EPB41L4A: variants seen among roughly 807,000 people sequenced by gnomAD.
EPB41L4A encodes the protein band 4.1-like protein 4A.
Under a neutral mutation model 108.6 loss-of-function variants are expected in EPB41L4A, and 100 were observed. The ratio of observed to expected loss-of-function variants is 0.92; its 90% CI spans 0.78 to 1.09. EPB41L4A has a LOEUF of 1.09. EPB41L4A is among the 50% of genes least tolerant of loss of function. The pLI is 0.00. For synonymous variants in EPB41L4A, 319 were observed against 289.0 expected, an observed-to-expected ratio of 1.10 and a Z score of -1.05; for missense variants, 1,030 against 842.7, an observed-to-expected ratio of 1.22 and a Z score of -2.75.
chr5:112,277,199 G>A (rs964730381), intron 3 of EPB41L4A, among the ~76,000 whole-genome samples: 7 of 152,102 alleles, frequency 4.6e-5, no homozygotes, highest in African/African-American at 1.4e-4. Flanking sequence ...CCTAGGGGGC[G>A]GGGAGGAGCA....
At chr5:112,306,555 A>C (rs974250971) in intron 2 of EPB41L4A, among the ~76,000 whole-genome samples, 5 of 152,150 alleles carry the variant, frequency 3.3e-5, no homozygotes, top group Non-Finnish European at 5.9e-5. Context: ...TGGGAGAACA[A>C]ATGAAGGAAG....
chr5:112,288,831 C>CTT (rs543886138), intron 2 of EPB41L4A, among the ~76,000 whole-genome samples: 4 of 143,456 alleles, frequency 2.8e-5, no homozygotes, highest in Admixed American at 7.0e-5. Flanking sequence ...GATGATATAT[C>CTT]TTTTTTTTTT....
At chr5:112,403,169 CTT>C (rs1322341231) in intron 1 of EPB41L4A, among the ~76,000 whole-genome samples, 1 of 152,076 alleles carries the variant, frequency 6.6e-6, no homozygotes, top group African/African-American at 2.4e-5. Flanking sequence ...GGCTGGTTTC[CTT>C]TATAGCTGTT....
At chr5:112,279,247 T>A (rs1242517340) in intron 3 of EPB41L4A, among the ~76,000 whole-genome samples, 3 of 152,096 alleles carry the variant, frequency 2.0e-5, no homozygotes, top group Non-Finnish European at 4.4e-5. Flanking sequence ...GACTTTCGGA[T>A]GGCTTTGCAG....
At chr5:112,357,288 G>T (rs78641586) in intron 1 of EPB41L4A, among the ~76,000 whole-genome samples, 7,205 of 152,270 alleles carry the variant, frequency 0.047, 509 homozygotes, top group African/African-American at 0.16. Context: ...ATGAACATGC[G>T]ACCTGAGCTG....
intron 1 of EPB41L4A, among the ~76,000 whole-genome samples, chr5:112,352,526 G>A (rs766925821): frequency 1.2e-4 from 18 of 152,276 alleles, no homozygotes; most frequent in Non-Finnish European, 1.9e-4. Flanking sequence ...GTTCAGGATA[G>A]ACTATATGTG....
chr5:112,307,523 C>T, intron 1 of EPB41L4A, 33 bp from the exon 2 acceptor site: 1 of 1,481,080 alleles, frequency 6.8e-7, no homozygotes, highest in Non-Finnish European at 9.4e-7. Context: ...TATTTTTTAA[C>T]TGCCCTTTTG....
At chr5:112,236,362 GT>G (rs1341885709) in intron 11 of EPB41L4A, among the ~76,000 whole-genome samples, 8 of 152,202 alleles carry the variant, frequency 5.3e-5, no homozygotes, top group African/African-American at 1.9e-4. Flanking sequence ...ACATGTAGCT[GT>G]TGGGTTTGAA....
rs1561518746 is a variant in EPB41L4A, at chr5:112,259,911, CT to C, written c.710del (p.Lys237SerfsTer93). 18 of 1,613,918 alleles carry C rather than the reference CT, an allele frequency of 1.1e-5. No individual in the cohort carries two copies. The highest frequency in any genetic ancestry group is 1.4e-5 in the Non-Finnish European group (17 of 1,179,814). ...PVGVVVYKNKKQVGKYFWPRI... is the reference protein window; with the variant it reads ...PVGVVVYKNKXQVGKYFWPRI... ...CCTACCAGAAATACTTCCCCACTTG[CT>C]TTTTATTCTTGTACACAACAACACC... On this transcript the variant is annotated frameshift_variant, in exon 8 of 23. Coordinates refer to ENST00000261486, the MANE Select transcript of EPB41L4A (RefSeq NM_022140.5). LOFTEE classifies it high-confidence loss of function.
rs527561565 is a variant in EPB41L4A at position 112,352,320 on chromosome 5, T to C, written c.100-44830A>G. 2.0e-5 allele frequency among the ~76,000 whole-genome samples: 3 copies of C among 152,306 alleles called. No homozygotes were observed. The South Asian group carries it at 6.2e-4, about 32-fold the overall frequency. Reference sequence around the variant, plus strand: ...ACCCATAGGTTTTGGTATGTCAAGTTTGAAGAACTTTTTAAATTTCCTTCT... The same window carrying C: ...ACCCATAGGTTTTGGTATGTCAAGTCTGAAGAACTTTTTAAATTTCCTTCT... On this transcript the variant is annotated intron_variant, in intron 1 of 22. Transcript: ENST00000261486.
intron 17 of EPB41L4A, among the ~76,000 whole-genome samples, chr5:112,191,020 T>C (rs1388589679): frequency 1.3e-5 from 2 of 151,780 alleles, no homozygotes; most frequent in Non-Finnish European, 2.9e-5. Context: ...AAAGGAGAAA[T>C]AAGAACTTTC....
chr5:112,314,048 C>T (rs1372517786), intron 1 of EPB41L4A, among the ~76,000 whole-genome samples: 6 of 151,494 alleles, frequency 4.0e-5, no homozygotes, highest in East Asian at 2.0e-4. Context: ...TTTTAGTAGA[C>T]GGGGTTTCAC....
intron 12 of EPB41L4A, among the ~76,000 whole-genome samples, chr5:112,215,491 G>A (rs2114989): frequency 0.026 from 4,029 of 152,194 alleles, 248 homozygotes; most frequent in East Asian, 0.24. Context: ...GCTCGGGCGC[G>A]GTGGCTCACG....
chr5:112,303,142 T>G (rs1241882705), intron 2 of EPB41L4A, among the ~76,000 whole-genome samples: 1 of 152,184 alleles, frequency 6.6e-6, no homozygotes, highest in Non-Finnish European at 1.5e-5. Flanking sequence ...ACATTATCAC[T>G]TATACATATT....
intron 1 of EPB41L4A, among the ~76,000 whole-genome samples, chr5:112,391,334 A>C (rs979711338): frequency 6.6e-6 from 1 of 152,208 alleles, no homozygotes; most frequent in African/African-American, 2.4e-5. Context: ...ACTTTGAAAA[A>C]AGATGAGATG....
At chr5:112,273,950 A>C (rs1227580755) in intron 4 of EPB41L4A, among the ~76,000 whole-genome samples, 1 of 152,128 alleles carries the variant, frequency 6.6e-6, no homozygotes, top group Non-Finnish European at 1.5e-5. Flanking sequence ...GCTCATTAAC[A>C]ATGTGATAAT....
chr5:112,331,877 G>C (rs1756592298), intron 1 of EPB41L4A, among the ~76,000 whole-genome samples: 1 of 152,194 alleles, frequency 6.6e-6, no homozygotes, highest in South Asian at 2.1e-4. Context: ...GGGCGTATTA[G>C]AACTACCTGG....
chr5:112,181,605 T>C (rs1429730187), intron 18 of EPB41L4A, among the ~76,000 whole-genome samples: 1 of 152,100 alleles, frequency 6.6e-6, no homozygotes, highest in Non-Finnish European at 1.5e-5. Flanking sequence ...CAGCTGTCCA[T>C]CAAGAAGAGA....
Position 112,157,148 on chromosome 5 carries a change from GA to G in EPB41L4A, n.994+1252del, listed in dbSNP as rs201797065. Among the ~76,000 whole-genome samples the G allele has an allele frequency of 3.5e-3, 486 of 137,264 alleles. 1 individual carries two copies. Among genetic ancestry groups the G allele is most frequent in the Middle Eastern group, 7.4e-3 (2 of 272 alleles). The allele number at this position is 137,264 out of a possible 152,430, so 90.1% of individuals were successfully genotyped here. A position where few individuals can be genotyped will look rare whatever the true frequency, so the allele number is the denominator to read the frequency against. On this transcript the variant is annotated intron_variant and non_coding_transcript_variant, in intron 12 of 13. Transcript: ENST00000507810. Reference sequence around the variant, plus strand: ...GTGCAAAGGTACATCCATGCAAAAAGAAAAAAAAAAAACAACCTGATCTATG... The same window carrying G: ...GTGCAAAGGTACATCCATGCAAAAAGAAAAAAAAAAACAACCTGATCTATG...
Sources: gnomAD v4.1 joint callset for allele counts (sites outside exome capture counted in the v4.1 genomes callset) on GRCh38, gnomAD v4.1.1 for gene constraint, MANE v1.5 for transcripts, NCBI Gene and HGNC (gene_info 2026-07-23, HGNC 2026-07-21) for gene names.